The following RD3 variants were observed in gnomAD, a reference collection of about 807,000 sequenced individuals.
RD3 encodes the protein RD3 regulator of GUCY2D.
Under a neutral mutation model 16.9 loss-of-function variants are expected in RD3, and 11 were observed. The ratio of observed to expected loss-of-function variants is 0.65; its 90% CI spans 0.41 to 1.08. The LOEUF is 1.08. Among genes scored for constraint, RD3 ranks in the 50% least tolerant of loss-of-function variants. The pLI, the probability that RD3 is intolerant of heterozygous loss-of-function variation, is 0.00. For synonymous variants in RD3, 116 were observed against 114.8 expected (o/e 1.01, Z -0.07); for missense variants, 274 against 267.4 (o/e 1.02, Z -0.17).
At position 211,481,464 on chromosome 1, in the gene RD3, C is replaced by T. The variant is rs1380574882; in HGVS notation, c.-11-38G>A. 3.1e-6 allele frequency: 5 copies of T among 1,593,580 alleles called. No homozygotes were observed. The African/African-American group carries it at 5.4e-5, about 17-fold the overall frequency. The stretch of plus-strand genomic sequence containing the variant: ...GACAGATGTGCATCTTTCCTGGGCC[C>T]CTCTGTTAGTCAGAGTGGGGAACCT... On this transcript the variant is annotated intron_variant, in intron 1 of 2. Transcript: ENST00000680073.
chr1:211,487,592 G>A (rs1705399967), intron 1 of RD3, among the ~76,000 whole-genome samples: 1 of 152,212 alleles, frequency 6.6e-6, no homozygotes, highest in South Asian at 2.1e-4. Flanking sequence ...AGTTGGGAAA[G>A]CTCTACCTCA....
Position 211,482,852 on chromosome 1 carries a change from C to T in RD3, c.-11-1426G>A, listed in dbSNP as rs990637973. 4.6e-5 allele frequency among the ~76,000 whole-genome samples: 7 copies of T among 151,828 alleles called. No homozygotes were observed. The East Asian group carries it at 1.4e-3, about 29-fold the overall frequency. On this transcript the variant is annotated intron_variant, in intron 1 of 2. Transcript: ENST00000680073. ...CCTTTCTCCCTCCAAGCCGTTCCCCCTTCCATGCACCAATGATCCCATTTC... is the reference window on the plus strand; with the variant it reads ...CCTTTCTCCCTCCAAGCCGTTCCCCTTTCCATGCACCAATGATCCCATTTC...
chr1:211,490,792 A>G (rs1344997364), intron 1 of RD3, among the ~76,000 whole-genome samples: 2 of 149,480 alleles, frequency 1.3e-5, no homozygotes, highest in Non-Finnish European at 3.0e-5. Flanking sequence ...TCAAGAGACA[A>G]CTCCTCCCTG....
At chr1:211,480,271 C>A (rs1705234877) in intron 2 of RD3, among the ~76,000 whole-genome samples, 1 of 151,932 alleles carries the variant, frequency 6.6e-6, no homozygotes. Flanking sequence ...TCTGCAAAAA[C>A]CAAGGAGTGT....
chr1:211,486,414 G>A (rs932277183), intron 1 of RD3, among the ~76,000 whole-genome samples: 31 of 151,044 alleles, frequency 2.1e-4, no homozygotes, highest in African/African-American at 7.3e-4. Flanking sequence ...TGGAAGAATC[G>A]ATTGAACCTG....
At chr1:211,484,266 GCAAACAAATGAATGAATGAATGCC>G (rs1292431062) in intron 1 of RD3, among the ~76,000 whole-genome samples, 2 of 152,132 alleles carry the variant, frequency 1.3e-5, no homozygotes, top group African/African-American at 2.4e-5. Context: ...TTAATAAATA[GCAAACAAATGAATGAATGAATGCC>G]CGAACAAAGG....
At chr1:211,485,231 C>A (rs1705350554) in intron 1 of RD3, among the ~76,000 whole-genome samples, 1 of 152,142 alleles carries the variant, frequency 6.6e-6, no homozygotes, top group Admixed American at 6.5e-5. Context: ...CCACCTGAGT[C>A]CTGAATTTTG....
At chr1:211,491,158 C>T (rs915629822) in intron 1 of RD3, among the ~76,000 whole-genome samples, 1 of 152,142 alleles carries the variant, frequency 6.6e-6, no homozygotes. Flanking sequence ...CTTCTAGGCC[C>T]GATCTCCCTG....
rs370878401 is a variant in RD3 at position 211,491,863 on chromosome 1, G to GA, written c.-108dup. On this transcript the variant is annotated 5_prime_UTR_variant, in exon 1 of 3. Coordinates refer to ENST00000680073, the MANE Select transcript of RD3 (RefSeq NM_001164688.2). ...GAAGAGAGTGTCTGGATATTTTCAG[G>GA]AAAAAAAAAGAAAGTTGAGCAGCCA... is the stretch of plus-strand genomic sequence containing the variant. 1.4e-4 allele frequency: 21 copies of GA among 151,408 alleles called. No individual in the cohort carries two copies. Among genetic ancestry groups the GA allele is most frequent in the Middle Eastern group, 3.4e-3 (1 of 290 alleles). The allele number at this position is 151,408 out of a possible 1,614,324, so 9.4% of individuals were successfully genotyped here.
chr1:211,479,451 C>T (rs17017534), intron 2 of RD3, 124 bp from the exon 3 acceptor site: 114,661 of 859,978 alleles, frequency 0.13, 11,169 homozygotes, highest in East Asian at 0.48. Flanking sequence ...TACTCTGCTC[C>T]TGAAGCGAAT....
rs774736321 is a variant in RD3, at chr1:211,479,191, G to T, written c.433C>A (p.Arg145=). The change falls in exon 3 of 3, where the codon CGG becomes AGG. Residue 145 remains arginine (R), a synonymous_variant. Coordinates refer to ENST00000680073, the MANE Select transcript of RD3 (RefSeq NM_001164688.2). ...AAGGTGGCCAGGCTGCCGCGGGGCC[G>T]CAGGCTCCACTGGCGCGTCAGCTTG... ...AHKLTRQWSL[R]PRGSLATFKT... 9.6e-5 allele frequency: 155 copies of T among 1,611,988 alleles called. No individual in the cohort carries two copies. Among genetic ancestry groups the T allele is most frequent in the South Asian group, 8.8e-4 (80 of 90,684 alleles).
At chr1:211,490,032 T>C (rs1474683474) in intron 1 of RD3, among the ~76,000 whole-genome samples, 1 of 152,186 alleles carries the variant, frequency 6.6e-6, no homozygotes, top group African/African-American at 2.4e-5. Flanking sequence ...TGAACATCCC[T>C]GAGGATAATG....
At chr1:211,484,665 G>A (rs1047696593) in intron 1 of RD3, among the ~76,000 whole-genome samples, 11 of 152,206 alleles carry the variant, frequency 7.2e-5, no homozygotes, top group South Asian at 2.1e-4. Context: ...AACATGGAGG[G>A]TGAGATTCAG....
chr1:211,478,439 C>T lies in RD3; in HGVS notation c.*597G>A. The T allele has an allele frequency of 2.8e-6, 1 of 356,018 alleles. No homozygotes were observed. Among genetic ancestry groups the T allele is most frequent in the East Asian group, 4.2e-5 (1 of 23,696 alleles). The allele number at this position is 356,018 out of a possible 1,614,324, so 22.1% of individuals were successfully genotyped here. A position where few individuals can be genotyped will look rare whatever the true frequency, so the allele number is the denominator to read the frequency against. ...ATGAGGAGCTGGCTGCAGTTAAAGGCAGAAGAAGTGTCCCTCTCTGAGCCT... is the reference window on the plus strand; with the variant it reads ...ATGAGGAGCTGGCTGCAGTTAAAGGTAGAAGAAGTGTCCCTCTCTGAGCCT... On this transcript the variant is annotated 3_prime_UTR_variant, in exon 3 of 3. Coordinates refer to ENST00000680073, the MANE Select transcript of RD3 (RefSeq NM_001164688.2).
At chr1:211,486,317 C>T (rs1004145016) in intron 1 of RD3, among the ~76,000 whole-genome samples, 1 of 151,878 alleles carries the variant, frequency 6.6e-6, no homozygotes. Context: ...CCAGCCTGGG[C>T]AACACAGTGA....
At chr1:211,491,616 C>T (rs1015313137) in intron 1 of RD3, among the ~76,000 whole-genome samples, 152 bp downstream of exon 1, 2 of 152,308 alleles carry the variant, frequency 1.3e-5, no homozygotes, top group South Asian at 2.1e-4. Flanking sequence ...ATCTGGGTCC[C>T]GGAGGTGGGC....
At chr1:211,481,002 C>A in intron 2 of RD3, 118 bp downstream of exon 2, 1 of 1,065,614 alleles carries the variant, frequency 9.4e-7, no homozygotes, top group Non-Finnish European at 1.4e-6. Context: ...CTCCTTCTAA[C>A]AGATAACTAG....
chr1:211,481,452 C>A, intron 1 of RD3, 26 bp from the exon 2 acceptor site: 1 of 1,605,996 alleles, frequency 6.2e-7, no homozygotes, highest in Non-Finnish European at 8.5e-7. Context: ...AGATGTGCAT[C>A]TTTCCTGGGC....
chr1:211,479,596 T>C (rs146663902), intron 2 of RD3, among the ~76,000 whole-genome samples: 31 of 152,354 alleles, frequency 2.0e-4, no homozygotes, highest in African/African-American at 7.2e-4. Flanking sequence ...TGAGCTATAA[T>C]GAACTAAGAT....
Sources: allele counts gnomAD v4.1 joint callset (sites outside exome capture counted in the v4.1 genomes callset), GRCh38; gene constraint gnomAD v4.1.1; transcripts MANE v1.5; gene names NCBI Gene and HGNC (gene_info 2026-07-23, HGNC 2026-07-21).